TNRC18: variants seen among roughly 807,000 people sequenced by gnomAD.
TNRC18 encodes trinucleotide repeat-containing gene 18 protein.
Under a neutral mutation model 226.7 loss-of-function variants are expected in TNRC18, and 69 were observed. That is an observed-to-expected ratio of 0.30 (90% CI 0.25 to 0.37). The LOEUF is 0.37. TNRC18 is among the 10% of genes least tolerant of loss of function. TNRC18 has a pLI of 1.00. For missense variants in TNRC18, 4,754 were observed against 4,256.6 expected (o/e 1.12, Z -3.25); for synonymous variants, 2,449 against 1,927.6 (o/e 1.27, Z -7.09).
Position 5,332,897 on chromosome 7 carries a change from G to C in TNRC18, c.5872C>G (p.Pro1958Ala), listed in dbSNP as rs773552267. The change falls in exon 19 of 30, where the codon CCA (proline) becomes GCA (alanine). Residue 1958 changes from proline (P) to alanine (A), a missense_variant. Physicochemically the swap from Pro to Ala is conservative, Grantham distance 27. Coordinates refer to ENST00000430969, the MANE Select transcript of TNRC18 (RefSeq NM_001080495.3). ...PGARGPDPSS[P>A]DKAKLAVEKG... ...TCCACCGCCAGCTTGGCCTTGTCTG[G>C]GCTGCTGGGGTCGGGACCGCGGGCG... 9.1e-6 allele frequency: 14 copies of C among 1,533,284 alleles called. No homozygotes were observed. The South Asian group carries it at 1.7e-4, about 18-fold the overall frequency. 95.0% of individuals were successfully genotyped at this position (1,533,284 alleles called of 1,614,324 possible).
At chr7:5,322,824 C>A (rs150605374) in intron 21 of TNRC18, among the ~76,000 whole-genome samples, 2 of 152,320 alleles carry the variant, frequency 1.3e-5, no homozygotes, top group Admixed American at 6.5e-5. Flanking sequence ...GTGGGACGGC[C>A]GTATCCCTGC....
At chr7:5,353,931 G>A (rs559721056) in intron 16 of TNRC18, among the ~76,000 whole-genome samples, 6 of 152,160 alleles carry the variant, frequency 3.9e-5, no homozygotes, top group East Asian at 1.9e-4. Flanking sequence ...GACCAGGCAC[G>A]GCAGCTCATG....
intron 21 of TNRC18, among the ~76,000 whole-genome samples, chr7:5,323,568 G>GGTTTTT (rs558125491): frequency 8.2e-6 from 1 of 122,272 alleles, no homozygotes; most frequent in Non-Finnish European, 1.6e-5. Context: ...GCACCAGACA[G>GGTTTTT]TTTTTTTTTT....
chr7:5,363,497 G>A (rs559032733), intron 11 of TNRC18, among the ~76,000 whole-genome samples: 5 of 152,206 alleles, frequency 3.3e-5, no homozygotes, highest in South Asian at 2.1e-4. Flanking sequence ...CCAGCTACTC[G>A]GGAGGCTGAA....
chr7:5,421,351 G>A lies in TNRC18; in HGVS notation c.-105C>T. Reference sequence around the variant, plus strand: ...GTAGTCCCAGAGTCCTCGGGCGGCGGGGGCTCCGCGGCGTGCATGGCGGCG... The same window carrying A: ...GTAGTCCCAGAGTCCTCGGGCGGCGAGGGCTCCGCGGCGTGCATGGCGGCG... On this transcript the variant is annotated 5_prime_UTR_variant, in exon 2 of 30. Coordinates refer to ENST00000430969, the MANE Select transcript of TNRC18 (RefSeq NM_001080495.3). 9.2e-7 allele frequency: 1 copy of A among 1,087,988 alleles called. No individual in the cohort carries two copies. Among genetic ancestry groups the A allele is most frequent in the Non-Finnish European group, 1.2e-6 (1 of 862,876 alleles). The allele number at this position is 1,087,988 out of a possible 1,614,324, so 67.4% of individuals were successfully genotyped here.
rs1584024436 is a variant in TNRC18, at chr7:5,388,135, G to A, written c.1689C>T (p.Ala563=). The A allele has an allele frequency of 1.3e-6, 2 of 1,557,718 alleles. No homozygotes were observed. The highest frequency in any genetic ancestry group is 1.2e-5 in the South Asian group (1 of 85,004). ...DPGAVLPRSA[A]TCGRPVADMH... ...TGTCAGCGACCGGCCGGCCGCAGGT[G>A]GCCGCCGAGCGGGGCAGCACAGCCC... is the stretch of plus-strand genomic sequence containing the variant. The change falls in exon 5 of 30, where the codon GCC becomes GCT. Residue 563 remains alanine (A), a synonymous_variant. Coordinates refer to ENST00000430969, the MANE Select transcript of TNRC18 (RefSeq NM_001080495.3).
intron 4 of TNRC18, chr7:5,389,962 G>C (rs1266378690): frequency 6.0e-6 from 1 of 166,288 alleles, no homozygotes; most frequent in Admixed American, 6.4e-5. Flanking sequence ...TGTTTTCAAA[G>C]TTGCCCGGAA....
At chr7:5,368,456 A>AGTACGAGAGGTCAGGAGGCTG in intron 11 of TNRC18, among the ~76,000 whole-genome samples, 1 of 152,238 alleles carries the variant, frequency 6.6e-6, no homozygotes, top group East Asian at 1.9e-4. Context: ...TGAGGTCAGG[A>AGTACGAGAGGTCAGGAGGCTG]GTACGAGACC....
intron 5 of TNRC18, 51 bp from the exon 6 acceptor site, chr7:5,378,075 C>A: frequency 6.6e-7 from 1 of 1,521,794 alleles, no homozygotes; most frequent in Non-Finnish European, 9.0e-7. Flanking sequence ...GAGCCCATCC[C>A]AGACCCATTG....
chr7:5,363,559 G>C (rs532293530), intron 11 of TNRC18, among the ~76,000 whole-genome samples: 1 of 152,194 alleles, frequency 6.6e-6, no homozygotes, highest in Non-Finnish European at 1.5e-5. Context: ...AGCCGAGATG[G>C]CGCCACTGCA....
At chr7:5,411,659 G>T (rs1054267201) in intron 2 of TNRC18, among the ~76,000 whole-genome samples, 1 of 151,882 alleles carries the variant, frequency 6.6e-6, no homozygotes, top group Non-Finnish European at 1.5e-5. Context: ...GAAAGCCACC[G>T]CAGGATGTGC....
Position 5,354,808 on chromosome 7 carries a change from G to A in TNRC18, c.5194+2108C>T, listed in dbSNP as rs180707858. On this transcript the variant is annotated intron_variant, in intron 16 of 29. Transcript: ENST00000430969. ...GTGCCACGTTCAGCTCTCTGCCCAC[G>A]TAAGCTCACTTAAGGCCCCCAACGA... Among the ~76,000 whole-genome samples, 7 of 152,270 alleles carry A rather than the reference G, an allele frequency of 4.6e-5. No individual in the cohort carries two copies. In the East Asian group the frequency reaches 5.8e-4, roughly 13 times the overall value.
At position 5,307,473 on chromosome 7, in the gene TNRC18, TG is replaced by T. The variant is rs1440872974; in HGVS notation, c.*632del. The stretch of plus-strand genomic sequence containing the variant: ...TGTAGTGTGAGGGTTTGGACCAGGG[TG>T]GGCCTGTGCCGGGCCCTCTCCACCT... On this transcript the variant is annotated 3_prime_UTR_variant, in exon 30 of 30. Coordinates refer to ENST00000430969, the MANE Select transcript of TNRC18 (RefSeq NM_001080495.3). 4.6e-6 allele frequency: 2 copies of T among 433,028 alleles called. No individual in the cohort carries two copies. Among genetic ancestry groups the T allele is most frequent in the Admixed American group, 5.0e-5 (2 of 40,162 alleles). The allele number at this position is 433,028 out of a possible 1,614,324, so 26.8% of individuals were successfully genotyped here. A position where few individuals can be genotyped will look rare whatever the true frequency, so the allele number is the denominator to read the frequency against.
chr7:5,349,452 CA>C (rs1484547424), intron 17 of TNRC18, among the ~76,000 whole-genome samples: 1 of 152,092 alleles, frequency 6.6e-6, no homozygotes, highest in East Asian at 1.9e-4. Context: ...AAAGCAACAA[CA>C]AAAAAAGATC....
At chr7:5,319,518 T>C (rs927582338) in intron 24 of TNRC18, among the ~76,000 whole-genome samples, 41 of 152,188 alleles carry the variant, frequency 2.7e-4, no homozygotes, top group African/African-American at 8.9e-4. Context: ...CATTCTTTTT[T>C]CTTTTTTTGA....
intron 8 of TNRC18, among the ~76,000 whole-genome samples, chr7:5,376,622 C>T (rs544931973): frequency 6.6e-6 from 1 of 152,320 alleles, no homozygotes; most frequent in East Asian, 1.9e-4. Flanking sequence ...CCCAGGGCTG[C>T]CTGTCTCGCT....
At chr7:5,402,660 C>T (rs533543579) in intron 2 of TNRC18, among the ~76,000 whole-genome samples, 1 of 152,254 alleles carries the variant, frequency 6.6e-6, no homozygotes, top group East Asian at 1.9e-4. Context: ...TCAAGACCAG[C>T]CTGGTCAACG....
chr7:5,407,028 G>C (rs996130255), intron 2 of TNRC18: 1 of 152,150 alleles, frequency 6.6e-6, no homozygotes. Flanking sequence ...GGGGGTGGGC[G>C]TCTCACACTC....
At chr7:5,348,778 G>C (rs1476467823) in intron 17 of TNRC18, among the ~76,000 whole-genome samples, 4 of 152,066 alleles carry the variant, frequency 2.6e-5, no homozygotes, top group African/African-American at 9.7e-5. Context: ...GGCAGGCGGG[G>C]GCAGGCAGGC....
Sources: allele counts gnomAD v4.1 joint callset (sites outside exome capture counted in the v4.1 genomes callset), GRCh38; gene constraint gnomAD v4.1.1; transcripts MANE v1.5; gene names NCBI Gene and HGNC (gene_info 2026-07-23, HGNC 2026-07-21).